The following PCNX1 variants were observed in gnomAD, a reference collection of about 807,000 sequenced individuals.
The protein encoded by PCNX1 is pecanex-like protein 1.
In PCNX1, 78 loss-of-function variants were observed where a neutral mutation model predicts 242.2. That is an observed-to-expected ratio of 0.32 (90% CI 0.27 to 0.39). PCNX1 has a LOEUF of 0.39. Ranked by LOEUF, PCNX1 falls within the 10% of genes least tolerant of loss-of-function variation. PCNX1 has a pLI of 1.00. For missense variants in PCNX1, 2,581 were observed against 2,856.5 expected, an observed-to-expected ratio of 0.90 and a Z score of 2.20; for synonymous variants, 1,024 against 1,032.9, an observed-to-expected ratio of 0.99 and a Z score of 0.17.
chr14:71,048,609 T>G (rs1021140284), intron 22 of PCNX1, among the ~76,000 whole-genome samples: 1 of 152,216 alleles, frequency 6.6e-6, no homozygotes, highest in Non-Finnish European at 1.5e-5. Context: ...TTCAATTTCA[T>G]GTTAACACTG....
At chr14:71,049,506 G>T (rs1021574882) in intron 22 of PCNX1, among the ~76,000 whole-genome samples, 3 of 152,056 alleles carry the variant, frequency 2.0e-5, no homozygotes, top group African/African-American at 7.2e-5. Flanking sequence ...GTTACATATT[G>T]TTCTTTTCTT....
chr14:70,961,475 G>A (rs563316724), intron 2 of PCNX1, among the ~76,000 whole-genome samples: 11 of 152,338 alleles, frequency 7.2e-5, no homozygotes, highest in Non-Finnish European at 1.5e-4. Context: ...GTAGAAAGCT[G>A]AAACTGGATC....
intron 2 of PCNX1, among the ~76,000 whole-genome samples, chr14:70,958,517 A>C (rs1023658459): frequency 6.6e-6 from 1 of 152,164 alleles, no homozygotes; most frequent in South Asian, 2.1e-4. Flanking sequence ...TCAGGATGCA[A>C]CGTTTCAAAC....
In PCNX1 at chr14:70,969,263, T is replaced by A. The variant is rs1329638308; in HGVS notation, c.604+153T>A. The A allele has an allele frequency of 5.1e-6, 3 of 588,572 alleles. No homozygotes were observed. The African/African-American group carries it at 5.6e-5, about 11-fold the overall frequency. 36.5% of individuals were successfully genotyped at this position (588,572 alleles called of 1,614,324 possible). ...TAAAATGTTATGGTGATAGTAGTAATACAGAGTTACACATGCTTTTAGCTT... is the reference window on the plus strand; with the variant it reads ...TAAAATGTTATGGTGATAGTAGTAAAACAGAGTTACACATGCTTTTAGCTT... On this transcript the variant is annotated intron_variant, in intron 5 of 35. Coordinates refer to ENST00000304743, the MANE Select transcript of PCNX1 (RefSeq NM_014982.3).
chr14:71,061,570 CT>C (rs2061327226), intron 26 of PCNX1, among the ~76,000 whole-genome samples: 1 of 152,182 alleles, frequency 6.6e-6, no homozygotes, highest in African/African-American at 2.4e-5. Flanking sequence ...TTTACCCAGG[CT>C]ATTTCTGCAA....
intron 11 of PCNX1, among the ~76,000 whole-genome samples, chr14:71,018,019 A>C (rs2140699397): frequency 6.6e-6 from 1 of 152,322 alleles, no homozygotes; most frequent in East Asian, 1.9e-4. Flanking sequence ...TTTTGAAGAC[A>C]GAGGCAAACC....
chr14:71,006,733 A>T (rs1205366170), intron 8 of PCNX1, among the ~76,000 whole-genome samples: 1 of 152,182 alleles, frequency 6.6e-6, no homozygotes, highest in South Asian at 2.1e-4. Flanking sequence ...ATAGTAATAT[A>T]TATTTATTTC....
At chr14:71,000,245 G>A (rs1335497791) in intron 8 of PCNX1, among the ~76,000 whole-genome samples, 1 of 152,118 alleles carries the variant, frequency 6.6e-6, no homozygotes, top group Non-Finnish European at 1.5e-5. Flanking sequence ...GGTAAAAGTA[G>A]AATGTGCTTT....
At chr14:70,943,283 A>G (rs535061880) in intron 1 of PCNX1, among the ~76,000 whole-genome samples, 1 of 152,294 alleles carries the variant, frequency 6.6e-6, no homozygotes, top group African/African-American at 2.4e-5. Context: ...AGATGTGGGA[A>G]AGTTTGGAAC....
At chr14:71,051,471 A>AT (rs2061034038) in intron 23 of PCNX1, among the ~76,000 whole-genome samples, 1 of 152,084 alleles carries the variant, frequency 6.6e-6, no homozygotes, top group African/African-American at 2.4e-5. Flanking sequence ...TCTGTAAAAA[A>AT]TTTTCTACTC....
chr14:71,101,118 C>A (rs1425282087), intron 30 of PCNX1, among the ~76,000 whole-genome samples: 1 of 152,198 alleles, frequency 6.6e-6, no homozygotes, highest in Non-Finnish European at 1.5e-5. Context: ...CTTCTCCTTT[C>A]ACATAGCACA....
chr14:71,105,431 C>A lies in PCNX1; in HGVS notation c.6292C>A (p.Pro2098Thr). 6.2e-7 allele frequency: 1 copy of A among 1,612,704 alleles called. No individual in the cohort carries two copies. Among genetic ancestry groups the A allele is most frequent in the Non-Finnish European group, 8.5e-7 (1 of 1,178,750 alleles). ...CCACCCACCTGTCACATCTTATCCT[C>A]CAACACTAGGTAATGTGAAACAAAG... Reference protein sequence around the residue: ...GLHPPVTSYPPTLGTSHSSHS... With the variant: ...GLHPPVTSYPTTLGTSHSSHS... Residue 2098 changes from proline to threonine, a missense_variant, in exon 33 of 36, where the codon CCA becomes ACA. By Grantham distance (38) the Pro-to-Thr change is conservative (BLOSUM62 -1). Around this residue, in one of 9 missense-constraint regions of PCNX1, gnomAD observed 432 missense variants for 433.6 expected, o/e 1.00. Coordinates refer to ENST00000304743, the MANE Select transcript of PCNX1 (RefSeq NM_014982.3).
intron 1 of PCNX1, among the ~76,000 whole-genome samples, chr14:70,930,502 T>G (rs1055082271): frequency 4.6e-5 from 7 of 152,192 alleles, no homozygotes; most frequent in African/African-American, 1.4e-4. Flanking sequence ...AAAATATAAA[T>G]ATTAATTCAA....
intron 5 of PCNX1, among the ~76,000 whole-genome samples, chr14:70,972,190 G>A (rs188931588): frequency 1.4e-3 from 208 of 151,612 alleles, no homozygotes; most frequent in African/African-American, 4.8e-3. Flanking sequence ...TTTGAGTTAC[G>A]CATCAGGGAG....
At chr14:71,011,436 G>A (rs1171033184) in intron 9 of PCNX1, 56 bp from the exon 10 acceptor site, 1 of 914,342 alleles carries the variant, frequency 1.1e-6, no homozygotes, top group Admixed American at 1.9e-5. Context: ...GAATGTTAAA[G>A]GATATATTTT....
chr14:70,955,760 A>G (rs1236927496), intron 2 of PCNX1, among the ~76,000 whole-genome samples: 1 of 152,110 alleles, frequency 6.6e-6, no homozygotes, highest in African/African-American at 2.4e-5. Flanking sequence ...TTACTCAGCT[A>G]TTTTATATGT....
intron 1 of PCNX1, among the ~76,000 whole-genome samples, chr14:70,914,997 C>G (rs1361086744): frequency 3.3e-5 from 5 of 152,092 alleles, no homozygotes; most frequent in Non-Finnish European, 7.4e-5. Flanking sequence ...TTATCCTGTT[C>G]TAGAATTTCA....
chr14:71,055,241 G>T (rs2061149841), intron 24 of PCNX1, among the ~76,000 whole-genome samples: 1 of 151,814 alleles, frequency 6.6e-6, no homozygotes, highest in South Asian at 2.1e-4. Flanking sequence ...TTCTCACAGT[G>T]CATGCCTAGA....
intron 2 of PCNX1, among the ~76,000 whole-genome samples, chr14:70,948,867 G>C (rs1012536082): frequency 2.0e-5 from 3 of 146,512 alleles, no homozygotes; most frequent in Non-Finnish European, 3.0e-5. Context: ...ATACACATAT[G>C]TATATATAGA....
Sources: allele counts gnomAD v4.1 joint callset (sites outside exome capture counted in the v4.1 genomes callset), GRCh38; gene constraint gnomAD v4.1.1; regional missense constraint gnomAD v4.1.1; transcripts MANE v1.5; gene names NCBI Gene and HGNC (gene_info 2026-07-23, HGNC 2026-07-21).